The following CCNG1 variants were observed in gnomAD, a reference collection of about 807,000 sequenced individuals.
CCNG1 encodes cyclin G1.
A neutral mutation model predicts 30.0 loss-of-function variants in CCNG1; 13 were observed. The ratio of observed to expected loss-of-function variants is 0.43; its 90% confidence interval spans 0.28 to 0.69. The LOEUF (loss-of-function observed/expected upper bound fraction) is 0.69. Ranked by LOEUF, CCNG1 falls within the 30% of genes least tolerant of loss-of-function variation. The pLI is 0.16. For synonymous variants in CCNG1, 110 were observed against 121.5 expected (o/e 0.91, Z 0.62); for missense variants, 285 against 331.4 (o/e 0.86, Z 1.09).
chr5:163,450,841 CT>C (rs1218305713), downstream of CCNG1: 1 of 152,224 alleles, frequency 6.6e-6, no homozygotes, highest in Non-Finnish European at 1.5e-5. Context: ...CACATAAAGA[CT>C]TGTACACGTT....
the CCNG1 span, among the ~76,000 whole-genome samples, chr5:163,454,435 A>T: frequency 6.6e-6 from 1 of 152,250 alleles, no homozygotes; most frequent in Middle Eastern, 3.4e-3. Flanking sequence ...TCTGCCTCCC[A>T]GGTTCAAGCG....
At chr5:163,438,441 T>C (rs1757604723) in intron 1 of CCNG1, among the ~76,000 whole-genome samples, 1 of 152,196 alleles carries the variant, frequency 6.6e-6, no homozygotes, top group South Asian at 2.1e-4. Flanking sequence ...CTCATTATTA[T>C]TGTTCAGTGT....
intron 1 of CCNG1, among the ~76,000 whole-genome samples, chr5:163,438,894 C>G (rs1332281058): frequency 6.6e-6 from 1 of 152,056 alleles, no homozygotes; most frequent in African/African-American, 2.4e-5. Flanking sequence ...GGCGCGGTGG[C>G]GCATGCCTGT....
downstream of CCNG1, chr5:163,450,085 T>C (rs375450094): frequency 3.3e-5 from 5 of 151,604 alleles, no homozygotes; most frequent in Non-Finnish European, 7.4e-5. Flanking sequence ...ATCCCAACTC[T>C]ACTAAAAATA....
chr5:163,439,390 T>C lies in CCNG1; in HGVS notation c.134T>C (p.Leu45Pro). The C allele has an allele frequency of 6.2e-7, 1 of 1,614,190 alleles. No homozygotes were observed. The highest frequency in any genetic ancestry group is 8.5e-7 in the Non-Finnish European group (1 of 1,180,014). ...RLIESAHDNG[L>P]RMTARLRDFE... ...ATTGAGTCTGCACACGATAATGGCC[T>C]CAGAATGACTGCAAGACTAAGGGAC... Residue 45 changes from leucine (L) to proline (P), a missense_variant, in exon 2 of 7, where the codon CTC becomes CCC. Physicochemically the swap from Leu to Pro is moderately conservative, Grantham distance 98. Coordinates refer to ENST00000340828, the MANE Select transcript of CCNG1 (RefSeq NM_004060.4).
chr5:163,457,009 G>A, the CCNG1 span: 4 of 1,613,320 alleles, frequency 2.5e-6, no homozygotes, highest in Non-Finnish European at 3.4e-6. Flanking sequence ...TCAGATTCTA[G>A]TAGAGAAGTC....
At chr5:163,449,267 A>G (rs1581175439), downstream of CCNG1, 1 of 151,994 alleles carries the variant, frequency 6.6e-6, no homozygotes, top group African/African-American at 2.4e-5. Context: ...TAACAACAAA[A>G]TAACTCCCAA....
intron 3 of CCNG1, 118 bp downstream of exon 3, chr5:163,441,449 T>TGG: frequency 1.2e-6 from 1 of 810,362 alleles, no homozygotes; most frequent in Non-Finnish European, 1.9e-6. Context: ...ATGACAGCTG[T>TGG]GGCTCCTTGA....
chr5:163,446,190 T>C (rs1466517617), downstream of CCNG1: 4 of 152,244 alleles, frequency 2.6e-5, no homozygotes, highest in Non-Finnish European at 5.9e-5. Flanking sequence ...TAATGTTTCA[T>C]AGTATTTTTT....
At chr5:163,445,737 C>T (rs1581173334), downstream of CCNG1, among the ~76,000 whole-genome samples, 1 of 148,628 alleles carries the variant, frequency 6.7e-6, no homozygotes, top group African/African-American at 2.5e-5. Context: ...AGATTACAGG[C>T]ATAAGCCACC....
At chr5:163,446,430 G>A (rs1758038950), downstream of CCNG1, 1 of 152,100 alleles carries the variant, frequency 6.6e-6, no homozygotes, top group Non-Finnish European at 1.5e-5. Flanking sequence ...TTGGAGGTAG[G>A]ATTCAAAGCC....
chr5:163,443,756 A>C lies in CCNG1; in HGVS notation c.*86A>C. 6.8e-7 allele frequency: 1 copy of C among 1,470,952 alleles called. No individual in the cohort carries two copies. The highest frequency in any genetic ancestry group is 1.2e-5 in the South Asian group (1 of 80,798). 91.1% of individuals were successfully genotyped at this position (1,470,952 alleles called of 1,614,324 possible). ...GATTCCATAATGTTACAATGGATTT[A>C]AGCTATGAAGCCTCAAAACATCACG... is the stretch of plus-strand genomic sequence containing the variant. On this transcript the variant is annotated 3_prime_UTR_variant, in exon 7 of 7. Transcript: ENST00000340828.
At chr5:163,449,694 G>A (rs1758126922), downstream of CCNG1, 2 of 152,142 alleles carry the variant, frequency 1.3e-5, no homozygotes, top group Non-Finnish European at 2.9e-5. Flanking sequence ...GATAATCAAG[G>A]CAATCTGGTA....
At position 163,441,326 on chromosome 5, in the gene CCNG1, TGAAAG is replaced by T. The variant is rs1561617858; in HGVS notation, c.515_518+1del. On this transcript the variant is annotated frameshift_variant and splice_region_variant, in exon 3 of 7. Transcript: ENST00000340828. LOFTEE classifies it high-confidence loss of function. Reference sequence around the variant, plus strand: ...CACTCCTTCAAGAGAACTTGCCACTTGAAAGGTAAGTGACCTTTGTTTTGAACAAG... The same window carrying T: ...CACTCCTTCAAGAGAACTTGCCACTTGTAAGTGACCTTTGTTTTGAACAAG... 5 of 1,613,352 alleles carry T rather than the reference TGAAAG, an allele frequency of 3.1e-6. No homozygotes were observed. The highest frequency in any genetic ancestry group is 1.1e-5 in the South Asian group (1 of 91,014).
chr5:163,453,719 G>A, the CCNG1 span: 3 of 286,302 alleles, frequency 1.0e-5, no homozygotes, highest in Non-Finnish European at 1.9e-5. Context: ...TTAGTAAAAT[G>A]CAGCATATAA....
In CCNG1 at chr5:163,443,778, C is replaced by T. The variant is rs1757947721; in HGVS notation, c.*108C>T. ...TTTAAGCTATGAAGCCTCAAAACAT[C>T]ACGAGATAAGCATGATGGTCTCAGA... On this transcript the variant is annotated 3_prime_UTR_variant, in exon 7 of 7. Transcript: ENST00000340828. 8.0e-7 allele frequency: 1 copy of T among 1,251,344 alleles called. No individual in the cohort carries two copies. Among genetic ancestry groups the T allele is most frequent in the Admixed American group, 2.1e-5 (1 of 47,968 alleles). 77.5% of individuals were successfully genotyped at this position (1,251,344 alleles called of 1,614,324 possible).
In CCNG1 at chr5:163,443,891, C is replaced by T; in HGVS notation, c.*221C>T. The stretch of plus-strand genomic sequence containing the variant: ...GAAGCATTCAAATCAAAGCTAAAAG[C>T]CTAAATGTGAAATGCTAATGACAAG... On this transcript the variant is annotated 3_prime_UTR_variant, in exon 7 of 7. Transcript: ENST00000340828. 1.9e-6 allele frequency: 1 copy of T among 527,444 alleles called. No homozygotes were observed. Among genetic ancestry groups the T allele is most frequent in the South Asian group, 3.0e-5 (1 of 32,948 alleles). 32.7% of individuals were successfully genotyped at this position (527,444 alleles called of 1,614,324 possible).
At chr5:163,457,453 A>G in the CCNG1 span, 2 of 731,624 alleles carry the variant, frequency 2.7e-6, no homozygotes, top group South Asian at 1.7e-5. Flanking sequence ...ACACATTTCT[A>G]TTGCTTTATC....
the CCNG1 span, chr5:163,457,082 TA>T: frequency 1.4e-3 from 1,880 of 1,387,586 alleles, no homozygotes; most frequent in Admixed American, 3.8e-3. Flanking sequence ...TTCTGTCCTC[TA>T]AAAAAAAAAC....
Sources: gnomAD v4.1 joint callset for allele counts (sites outside exome capture counted in the v4.1 genomes callset) on GRCh38, gnomAD v4.1.1 for gene constraint, MANE v1.5 for transcripts, NCBI Gene and HGNC (gene_info 2026-07-23, HGNC 2026-07-21) for gene names.